STK32A: variants seen among roughly 807,000 people sequenced by gnomAD.
STK32A encodes the protein serine/threonine-protein kinase 32A.
In STK32A, 41 loss-of-function variants were observed where a neutral mutation model predicts 53.2. The ratio of observed to expected loss-of-function variants is 0.77; its 90% CI spans 0.60 to 1.00. The LOEUF is 1.00. Among genes scored for constraint, STK32A ranks in the 50% least tolerant of loss-of-function variants. STK32A has a pLI of 0.00. For missense variants in STK32A, 458 were observed against 485.8 expected, an observed-to-expected ratio of 0.94 and a Z score of 0.54; for synonymous variants, 166 against 162.8, an observed-to-expected ratio of 1.02 and a Z score of -0.15.
At chr5:147,241,303 C>A (rs1188464388) in intron 2 of STK32A, among the ~76,000 whole-genome samples, 1 of 152,124 alleles carries the variant, frequency 6.6e-6, no homozygotes, top group African/African-American at 2.4e-5. Context: ...ACGGTGAAAC[C>A]CCGTCTCTAC....
chr5:147,249,616 A>G (rs1254584923), intron 2 of STK32A, among the ~76,000 whole-genome samples: 1 of 152,076 alleles, frequency 6.6e-6, no homozygotes, highest in African/African-American at 2.4e-5. Flanking sequence ...AAAAAAAATC[A>G]AAAGTGGCCT....
chr5:147,295,456 A>G (rs917655007), intron 4 of STK32A, among the ~76,000 whole-genome samples: 1 of 152,256 alleles, frequency 6.6e-6, no homozygotes, highest in African/African-American at 2.4e-5. Context: ...AAGCTAAAAC[A>G]GAGATATTTT....
intron 6 of STK32A, among the ~76,000 whole-genome samples, chr5:147,350,122 T>A (rs1328432100): frequency 1.3e-5 from 2 of 149,342 alleles, no homozygotes; most frequent in Admixed American, 1.3e-4. Context: ...AAAAAAAAAA[T>A]TAAATTAAAT....
intron 11 of STK32A, chr5:147,382,824 G>T (rs1162802968): frequency 1.3e-5 from 2 of 152,242 alleles, no homozygotes; most frequent in Non-Finnish European, 2.9e-5. Flanking sequence ...AGGGTGAAAA[G>T]GTGCTGGCCC....
intron 4 of STK32A, among the ~76,000 whole-genome samples, chr5:147,310,123 G>A (rs1753616468): frequency 6.6e-6 from 1 of 152,140 alleles, no homozygotes; most frequent in Admixed American, 6.6e-5. Flanking sequence ...GTTCCTGGTA[G>A]CGTTTCTACT....
chr5:147,348,750 AG>A, intron 6 of STK32A: 1 of 766,752 alleles, frequency 1.3e-6, no homozygotes, highest in Non-Finnish European at 2.4e-6. Context: ...ACCGAAGCCC[AG>A]GCACATGTAT....
chr5:147,373,729 C>T (rs1370544883), intron 10 of STK32A, among the ~76,000 whole-genome samples: 1 of 152,004 alleles, frequency 6.6e-6, no homozygotes, highest in Admixed American at 6.6e-5. Flanking sequence ...TAGCATTTGC[C>T]CCTCATCCTT....
Position 147,377,945 on chromosome 5 carries a change from C to T in STK32A, c.1032+2727C>T, listed in dbSNP as rs1011845650. On this transcript the variant is annotated intron_variant, in intron 11 of 12. Coordinates refer to ENST00000397936, the MANE Select transcript of STK32A (RefSeq NM_001112724.2). ...ACCCCAGGTTCAAAAATAAAAGGTA[C>T]TTTGCTTCAAAACAAAGAATAGTCT... 2.0e-5 allele frequency among the ~76,000 whole-genome samples: 3 copies of T among 152,054 alleles called. No homozygotes were observed. The East Asian group carries it at 5.8e-4, about 29-fold the overall frequency.
At chr5:147,329,501 T>C (rs1359783714) in intron 5 of STK32A, among the ~76,000 whole-genome samples, 1 of 152,262 alleles carries the variant, frequency 6.6e-6, no homozygotes, top group Non-Finnish European at 1.5e-5. Flanking sequence ...AAGTTGTTAA[T>C]ATTATAGTGT....
intron 2 of STK32A, among the ~76,000 whole-genome samples, chr5:147,257,799 T>C (rs1754303050): frequency 6.6e-6 from 1 of 152,164 alleles, no homozygotes. Context: ...GTACCTGTGC[T>C]AAAAGACTTT....
At chr5:147,333,633 A>G (rs564385403) in intron 5 of STK32A, among the ~76,000 whole-genome samples, 20 of 152,350 alleles carry the variant, frequency 1.3e-4, no homozygotes, top group African/African-American at 4.3e-4. Flanking sequence ...TAATGAATAT[A>G]CAGTCTTAAA....
At chr5:147,237,472 A>G (rs1332913578) in intron 1 of STK32A, among the ~76,000 whole-genome samples, 1 of 152,112 alleles carries the variant, frequency 6.6e-6, no homozygotes, top group Non-Finnish European at 1.5e-5. Context: ...AAACACTCAC[A>G]ATAAAAAGTG....
At chr5:147,296,547 C>G (rs1752876327) in intron 4 of STK32A, among the ~76,000 whole-genome samples, 1 of 151,884 alleles carries the variant, frequency 6.6e-6, no homozygotes, top group African/African-American at 2.4e-5. Context: ...GTTGACTGTT[C>G]CTAGAGGAAG....
chr5:147,400,245 G>A, the STK32A span, among the ~76,000 whole-genome samples: 4 of 152,098 alleles, frequency 2.6e-5, no homozygotes, highest in South Asian at 2.1e-4. Context: ...CACTTGTATC[G>A]CCTGAATGAC....
intron 4 of STK32A, among the ~76,000 whole-genome samples, chr5:147,295,105 A>G (rs1035745380): frequency 3.9e-5 from 6 of 152,196 alleles, no homozygotes; most frequent in African/African-American, 1.4e-4. Flanking sequence ...GATGAAAACC[A>G]TTTCATAATT....
chr5:147,321,840 C>A (rs1307806462), intron 4 of STK32A, among the ~76,000 whole-genome samples: 1 of 152,118 alleles, frequency 6.6e-6, no homozygotes, highest in Admixed American at 6.6e-5. Context: ...TTTGCATTGG[C>A]ATCTAATTAT....
intron 2 of STK32A, among the ~76,000 whole-genome samples, chr5:147,249,799 G>A (rs1023093582): frequency 5.3e-5 from 8 of 149,870 alleles, no homozygotes; most frequent in South Asian, 2.1e-4. Flanking sequence ...TGTAATCCCA[G>A]CTACTCAGGA....
chr5:147,331,226 G>A (rs1209764750), intron 5 of STK32A, among the ~76,000 whole-genome samples: 4 of 152,080 alleles, frequency 2.6e-5, no homozygotes, highest in Non-Finnish European at 5.9e-5. Context: ...ATACTACAAA[G>A]CACCTATGTC....
intron 2 of STK32A, among the ~76,000 whole-genome samples, chr5:147,253,144 G>A (rs1362674738): frequency 4.6e-5 from 7 of 152,098 alleles, no homozygotes; most frequent in Admixed American, 3.9e-4. Context: ...ATTTAAATGT[G>A]AAAATACAGT....
Sources: allele counts gnomAD v4.1 joint callset (sites outside exome capture counted in the v4.1 genomes callset), GRCh38; gene constraint gnomAD v4.1.1; transcripts MANE v1.5; gene names NCBI Gene and HGNC (gene_info 2026-07-23, HGNC 2026-07-21).